KCNC1: variants seen among roughly 807,000 people sequenced by gnomAD.
KCNC1 encodes the protein voltage-gated potassium channel KCNC1.
A neutral mutation model predicts 43.4 loss-of-function variants in KCNC1; 8 were observed. That is an observed-to-expected ratio of 0.18 (90% CI 0.11 to 0.33). The LOEUF (loss-of-function observed/expected upper bound fraction) is 0.33. KCNC1 is among the 10% of genes least tolerant of loss of function. KCNC1 has a pLI of 1.00. For synonymous variants in KCNC1, 361 were observed against 360.5 expected (o/e 1.00, Z -0.01); for missense variants, 420 against 836.0 (o/e 0.50, Z 6.14).
chr11:17,774,234 T>G (rs529660568), intron 2 of KCNC1: 6 of 985,472 alleles, frequency 6.1e-6, no homozygotes, highest in African/African-American at 5.2e-5. Context: ...GTTACTTGAT[T>G]TCAGGAGCTA....
Position 17,736,570 on chromosome 11 carries a change from C to T in KCNC1, c.568C>T (p.Arg190Trp). Reference sequence around the variant, plus strand: ...GGACCCGTACTCGTCCCGCTACGCGCGGGTAAGTGACAATTTACCCATCAG... The same window carrying T: ...GGACCCGTACTCGTCCCGCTACGCGTGGGTAAGTGACAATTTACCCATCAG... ...FEDPYSSRYA[R>W]YVAFASLFFI... The change falls in exon 1 of 4, where the codon CGG becomes TGG. Residue 190 changes from arginine (R) to tryptophan (W), a missense_variant and splice_region_variant. Arg to Trp is a moderately radical substitution (Grantham distance 101). Transcript: ENST00000265969. This position sits in a 1 kb window ranked among gnomAD's most constrained non-coding sequence, Gnocchi z 9.3. 1 of 1,527,860 alleles carries T rather than the reference C, an allele frequency of 6.5e-7. No homozygotes were observed. Among genetic ancestry groups the T allele is most frequent in the Non-Finnish European group, 8.7e-7 (1 of 1,147,908 alleles). The allele number at this position is 1,527,860 out of a possible 1,614,324, so 94.6% of individuals were successfully genotyped here.
chr11:17,751,861 C>G (rs1033988921), intron 1 of KCNC1, among the ~76,000 whole-genome samples: 3 of 152,148 alleles, frequency 2.0e-5, no homozygotes, highest in African/African-American at 7.2e-5. Context: ...TCAGTCTGCT[C>G]CGGAGTAGGG....
chr11:17,775,196 G>A, intron 2 of KCNC1: 1 of 985,578 alleles, frequency 1.0e-6, no homozygotes, highest in Non-Finnish European at 1.2e-6. Flanking sequence ...GCAGTCTAGT[G>A]GCCTCGCCAA....
At chr11:17,780,080 C>T (rs569103098) in intron 3 of KCNC1, 27 of 156,532 alleles carry the variant, frequency 1.7e-4, no homozygotes, top group African/African-American at 5.7e-4. Flanking sequence ...ACACAAGATC[C>T]GTGTTCTTGG....
At chr11:17,768,482 C>T (rs1013261871) in intron 1 of KCNC1, among the ~76,000 whole-genome samples, 1 of 152,064 alleles carries the variant, frequency 6.6e-6, no homozygotes, top group Non-Finnish European at 1.5e-5. Flanking sequence ...GCTGCATGGG[C>T]AGAGCTGGGA....
In KCNC1 at chr11:17,735,157, A is replaced by C. The variant is rs1848748786; in HGVS notation, c.-846A>C. ...GGGAGCCCAAGTCCGAGCGCAGCCC[A>C]GCGGAACCCCAGCTCGAGCCCGGGC... On this transcript the variant is annotated 5_prime_UTR_variant, in exon 1 of 4. Transcript: ENST00000265969. This position sits in a 1 kb window ranked among gnomAD's most constrained non-coding sequence, Gnocchi z 6.7. 1.3e-5 allele frequency: 2 copies of C among 152,040 alleles called. No homozygotes were observed. Among genetic ancestry groups the C allele is most frequent in the Admixed American group, 1.3e-4 (2 of 15,280 alleles). 9.4% of individuals were successfully genotyped at this position (152,040 alleles called of 1,614,324 possible). A position where few individuals can be genotyped will look rare whatever the true frequency, so the allele number is the denominator to read the frequency against.
At position 17,736,086 on chromosome 11, in the gene KCNC1, G is replaced by T; in HGVS notation, c.84G>T (p.Thr28=). Residue 28 remains threonine, a synonymous_variant, in exon 1 of 4, where the codon ACG becomes ACT. Coordinates refer to ENST00000265969, the MANE Select transcript of KCNC1 (RefSeq NM_001112741.2). This position sits in a 1 kb window ranked among gnomAD's most constrained non-coding sequence, Gnocchi z 9.3. ...RHQTYRSTLR[T]LPGTRLAWLA... ...AGACGTACCGCTCGACCCTGCGCAC[G>T]CTGCCCGGCACGCGGCTCGCCTGGC... 6.2e-7 allele frequency: 1 copy of T among 1,606,518 alleles called. No individual in the cohort carries two copies. Among genetic ancestry groups the T allele is most frequent in the Non-Finnish European group, 8.5e-7 (1 of 1,176,630 alleles).
Position 17,745,429 on chromosome 11 carries a change from C to T in KCNC1, c.570+8857C>T, listed in dbSNP as rs575363021. Among the ~76,000 whole-genome samples, 88 of 152,296 alleles carry T rather than the reference C, an allele frequency of 5.8e-4. No individual in the cohort carries two copies. The South Asian group carries it at 6.0e-3, about 10-fold the overall frequency. ...AAGTACACTCGGAATCTGAGTGCAT[C>T]GCACCCCTCCACAGCTACCCCCCCG... On this transcript the variant is annotated intron_variant, in intron 1 of 3. Coordinates refer to ENST00000265969, the MANE Select transcript of KCNC1 (RefSeq NM_001112741.2).
Position 17,779,874 on chromosome 11 carries a change from G to A in KCNC1, c.1693+230G>A. On this transcript the variant is annotated intron_variant, in intron 3 of 3. Transcript: ENST00000265969. The surrounding 1 kb of genome is among the most constrained non-coding windows in gnomAD (Gnocchi z 7.2). Reference sequence around the variant, plus strand: ...GAGGCCCTGGCAGCTGTGGGTTGCTGGGAGTTGAGAGGGGATTGGACAGGT... The same window carrying A: ...GAGGCCCTGGCAGCTGTGGGTTGCTAGGAGTTGAGAGGGGATTGGACAGGT... 2.4e-6 allele frequency: 1 copy of A among 408,772 alleles called. No homozygotes were observed. Among genetic ancestry groups the A allele is most frequent in the South Asian group, 6.1e-5 (1 of 16,428 alleles). 25.3% of individuals were successfully genotyped at this position (408,772 alleles called of 1,614,324 possible). A position where few individuals can be genotyped will look rare whatever the true frequency, so the allele number is the denominator to read the frequency against.
intron 1 of KCNC1, among the ~76,000 whole-genome samples, chr11:17,755,371 T>C (rs914060181): frequency 6.6e-6 from 1 of 152,102 alleles, no homozygotes; most frequent in Non-Finnish European, 1.5e-5. Flanking sequence ...ACAGTTCGAT[T>C]CATGTTTTAA....
In KCNC1 at chr11:17,776,723, C is replaced by G; in HGVS notation, c.1505-2733C>G. On this transcript the variant is annotated intron_variant, in intron 2 of 3. Coordinates refer to ENST00000265969, the MANE Select transcript of KCNC1 (RefSeq NM_001112741.2). The surrounding 1 kb of genome is among the most constrained non-coding windows in gnomAD (Gnocchi z 4.4). ...GGGAATGGAGGCTCCTAGCCACTATCTCATCCAAAGGATGGGGCAGGGGCG... is the reference window on the plus strand; with the variant it reads ...GGGAATGGAGGCTCCTAGCCACTATGTCATCCAAAGGATGGGGCAGGGGCG... 1.0e-6 allele frequency: 1 copy of G among 985,394 alleles called. No individual in the cohort carries two copies. The highest frequency in any genetic ancestry group is 1.2e-6 in the Non-Finnish European group (1 of 829,936). 61.0% of individuals were successfully genotyped at this position (985,394 alleles called of 1,614,324 possible).
intron 1 of KCNC1, among the ~76,000 whole-genome samples, chr11:17,737,695 C>T (rs1035534662): frequency 2.0e-5 from 3 of 152,170 alleles, no homozygotes; most frequent in African/African-American, 7.2e-5. Flanking sequence ...ACCCTAAGGC[C>T]TGTGGGGGAA....
At chr11:17,766,243 T>C (rs73424019) in intron 1 of KCNC1, among the ~76,000 whole-genome samples, 2,141 of 152,354 alleles carry the variant, frequency 0.014, 28 homozygotes, top group African/African-American at 0.027. Context: ...TGTGTGGCGA[T>C]GTGTCTCCGC....
At chr11:17,751,216 G>C (rs1213569801) in intron 1 of KCNC1, among the ~76,000 whole-genome samples, 1 of 152,216 alleles carries the variant, frequency 6.6e-6, no homozygotes, top group Non-Finnish European at 1.5e-5. Context: ...GTTCCTTCTG[G>C]CTCTGGGATG....
At chr11:17,763,153 C>A (rs1013524576) in intron 1 of KCNC1, among the ~76,000 whole-genome samples, 5 of 152,114 alleles carry the variant, frequency 3.3e-5, no homozygotes, top group African/African-American at 9.7e-5. Flanking sequence ...TCTCTTTGGA[C>A]GTCTGCGCCG....
chr11:17,767,684 G>A (rs1333361974), intron 1 of KCNC1, among the ~76,000 whole-genome samples: 1 of 152,216 alleles, frequency 6.6e-6, no homozygotes, highest in Non-Finnish European at 1.5e-5. Context: ...ATGTTGCTGG[G>A]GCTCTGCCTG....
chr11:17,779,928 G>A lies in KCNC1; in HGVS notation c.1693+284G>A. ...CTTTAGGCCATGACCCCAAGGCAGG[G>A]GTACCCAGGAATGCAGGAGGAGCCT... On this transcript the variant is annotated intron_variant, in intron 3 of 3. Transcript: ENST00000265969. This position sits in a 1 kb window ranked among gnomAD's most constrained non-coding sequence, Gnocchi z 7.2. 1 of 281,200 alleles carries A rather than the reference G, an allele frequency of 3.6e-6. No homozygotes were observed. The highest frequency in any genetic ancestry group is 6.6e-6 in the Non-Finnish European group (1 of 150,378). The allele number at this position is 281,200 out of a possible 1,614,324, so 17.4% of individuals were successfully genotyped here. A position where few individuals can be genotyped will look rare whatever the true frequency, so the allele number is the denominator to read the frequency against.
rs889099785 is a variant in KCNC1 at position 17,739,292 on chromosome 11, C to T, written c.570+2720C>T. On this transcript the variant is annotated intron_variant, in intron 1 of 3. Transcript: ENST00000265969. The surrounding 1 kb of genome is among the most constrained non-coding windows in gnomAD (Gnocchi z 4.2). ...AAAGGCTGTATGTGTGAGACAGAGG[C>T]TCTTTGTAAGAGAGATTGTGTGTGA... 2.0e-5 allele frequency among the ~76,000 whole-genome samples: 3 copies of T among 152,090 alleles called. No individual in the cohort carries two copies. The highest frequency in any genetic ancestry group is 2.9e-5 in the Non-Finnish European group (2 of 68,028).
rs1460169623 is a variant in KCNC1, at chr11:17,742,838, T to A, written c.570+6266T>A. Among the ~76,000 whole-genome samples the A allele has an allele frequency of 2.0e-5, 3 of 152,234 alleles. No homozygotes were observed. Among genetic ancestry groups the A allele is most frequent in the African/African-American group, 7.2e-5 (3 of 41,464 alleles). ...AGGGCCTGACCATCTGAATTTCTTT[T>A]GGCTCTCAGTTTTACAAGAACACCA... On this transcript the variant is annotated intron_variant, in intron 1 of 3. Coordinates refer to ENST00000265969, the MANE Select transcript of KCNC1 (RefSeq NM_001112741.2). The surrounding 1 kb of genome is among the most constrained non-coding windows in gnomAD (Gnocchi z 4.2).
Sources: allele counts gnomAD v4.1 joint callset (sites outside exome capture counted in the v4.1 genomes callset), GRCh38; gene constraint gnomAD v4.1.1; non-coding constraint Gnocchi (gnomAD v3.1); transcripts MANE v1.5; gene names NCBI Gene and HGNC (gene_info 2026-07-23, HGNC 2026-07-21).